IL10RB: variants seen among roughly 807,000 people sequenced by gnomAD.
IL10RB encodes the protein interleukin 10 receptor subunit beta.
In IL10RB, 30 loss-of-function variants were observed where a neutral mutation model predicts 38.7. The observed-to-expected ratio is 0.78, with a 90% CI of 0.58 to 1.05. The LOEUF (loss-of-function observed/expected upper bound fraction) is 1.05, where lower values mean the gene tolerates loss of function less well. IL10RB is among the 50% of genes least tolerant of loss of function. The pLI is 0.00. For missense variants in IL10RB, 328 were observed against 397.1 expected, an observed-to-expected ratio of 0.83 and a Z score of 1.48; for synonymous variants, 142 against 145.9, an observed-to-expected ratio of 0.97 and a Z score of 0.19.
chr21:33,277,668 C>CTTTTCT (rs1989199194), intron 3 of IL10RB, among the ~76,000 whole-genome samples: 1 of 92,980 alleles, frequency 1.1e-5, no homozygotes, highest in Non-Finnish European at 2.1e-5. Context: ...TTCTTTCTTT[C>CTTTTCT]TTTTTTTTTT....
At chr21:33,294,869 G>C (rs1313219146) in intron 6 of IL10RB, among the ~76,000 whole-genome samples, 1 of 152,230 alleles carries the variant, frequency 6.6e-6, no homozygotes, top group Non-Finnish European at 1.5e-5. Context: ...TTCAGGAAAT[G>C]TATAGGGGCA....
In IL10RB at chr21:33,294,011, G is replaced by A. The variant is rs113544410; in HGVS notation, c.805-2173G>A. 250 of 471,164 alleles carry A rather than the reference G, an allele frequency of 5.3e-4. 3 individuals carry two copies. Among genetic ancestry groups the A allele is most frequent in the African/African-American group, 4.1e-3 (207 of 50,196 alleles). 29.2% of individuals were successfully genotyped at this position (471,164 alleles called of 1,614,324 possible). A position where few individuals can be genotyped will look rare whatever the true frequency, so the allele number is the denominator to read the frequency against. Reference sequence around the variant, plus strand: ...ATTTTTGCTTCTGGCTTCACCATCAGAGAAACTGGTCAGACAGGAAAGAAC... The same window carrying A: ...ATTTTTGCTTCTGGCTTCACCATCAAAGAAACTGGTCAGACAGGAAAGAAC... On this transcript the variant is annotated intron_variant, in intron 6 of 6. Coordinates refer to ENST00000290200, the MANE Select transcript of IL10RB (RefSeq NM_000628.5).
At chr21:33,274,066 T>C (rs1039120395) in intron 2 of IL10RB, among the ~76,000 whole-genome samples, 2 of 152,246 alleles carry the variant, frequency 1.3e-5, no homozygotes, top group African/African-American at 4.8e-5. Flanking sequence ...CTTAATGGCA[T>C]TTTGAATGGT....
At chr21:33,270,737 C>T (rs573135617) in intron 2 of IL10RB, among the ~76,000 whole-genome samples, 60 of 148,956 alleles carry the variant, frequency 4.0e-4, no homozygotes, top group African/African-American at 1.4e-3. Context: ...TGCAGTGGTA[C>T]GACCTCTGCT....
At chr21:33,281,330 C>G (rs983238447) in intron 4 of IL10RB, among the ~76,000 whole-genome samples, 4 of 152,232 alleles carry the variant, frequency 2.6e-5, no homozygotes, top group African/African-American at 9.7e-5. Context: ...GAGCTAGCAA[C>G]AGACCTCAAT....
chr21:33,305,511 C>T (rs2082996932), intron 1 of IL10RB, among the ~76,000 whole-genome samples: 1 of 152,140 alleles, frequency 6.6e-6, no homozygotes, highest in South Asian at 2.1e-4. Flanking sequence ...AACGGGAAAC[C>T]CATGACACAC....
intron 1 of IL10RB, among the ~76,000 whole-genome samples, chr21:33,267,426 T>C (rs1165342068): frequency 6.6e-6 from 1 of 151,988 alleles, no homozygotes; most frequent in East Asian, 1.9e-4. Flanking sequence ...ATTATAGTCT[T>C]CTACTTTTCT....
chr21:33,293,849 G>A (rs1989537074), intron 6 of IL10RB, among the ~76,000 whole-genome samples: 1 of 151,018 alleles, frequency 6.6e-6, no homozygotes, highest in Non-Finnish European at 1.5e-5. Context: ...GCACCAGCAT[G>A]AACTAAGAAT....
At chr21:33,281,201 T>C (rs1373318269) in intron 4 of IL10RB, among the ~76,000 whole-genome samples, 2 of 152,222 alleles carry the variant, frequency 1.3e-5, no homozygotes, top group Non-Finnish European at 2.9e-5. Flanking sequence ...CTCTGAGTCC[T>C]ATCATAGTGA....
rs142844818 is a variant in IL10RB at position 33,307,990 on chromosome 21, G to C, written c.130-986G>C. 2.0e-3 allele frequency among the ~76,000 whole-genome samples: 301 copies of C among 152,310 alleles called. 1 individual carries two copies. Among genetic ancestry groups the C allele is most frequent in the African/African-American group, 6.8e-3 (283 of 41,566 alleles). Reference sequence around the variant, plus strand: ...CTATTTGTTGAATGCATGGATGTATGAGTGAATGAATGAATGCTCAGGATC... The same window carrying C: ...CTATTTGTTGAATGCATGGATGTATCAGTGAATGAATGAATGCTCAGGATC... On this transcript the variant is annotated intron_variant, in intron 1 of 1. Coordinates refer to the IL10RB transcript ENST00000609556.
In IL10RB at chr21:33,276,681, T is replaced by C. The variant is rs201664974; in HGVS notation, c.259T>C (p.Leu87=). 30 of 1,613,696 alleles carry C rather than the reference T, an allele frequency of 1.9e-5. No homozygotes were observed. In the Admixed American group the frequency reaches 4.8e-4, roughly 26 times the overall value. ...TCTTTCCAAGTATGGTGACCACACC[T>C]TGAGAGTCAGGGCTGAATTTGCAGA... ...SSLSKYGDHT[L]RVRAEFADEH... Residue 87 remains leucine (L), a synonymous_variant, in exon 3 of 7, where the codon TTG becomes CTG. Transcript: ENST00000290200.
At position 33,285,532 on chromosome 21, in the gene IL10RB, G is replaced by A. The variant is rs1233913640; in HGVS notation, c.646+2291G>A. On this transcript the variant is annotated intron_variant, in intron 5 of 6. Coordinates refer to ENST00000290200, the MANE Select transcript of IL10RB (RefSeq NM_000628.5). Reference sequence around the variant, plus strand: ...AGCAGGGTCCTCTCTCCTGCCCCCTGTGGAACTCTCCATCTGGGGTGAGTA... The same window carrying A: ...AGCAGGGTCCTCTCTCCTGCCCCCTATGGAACTCTCCATCTGGGGTGAGTA... Among the ~76,000 whole-genome samples the A allele has an allele frequency of 2.0e-5, 3 of 152,146 alleles. No individual in the cohort carries two copies. In the South Asian group the frequency reaches 6.2e-4, roughly 31 times the overall value.
downstream of IL10RB, among the ~76,000 whole-genome samples, chr21:33,298,423 G>A (rs1434088532): frequency 6.6e-6 from 1 of 152,110 alleles, no homozygotes; most frequent in African/African-American, 2.4e-5. Context: ...AGACCAGCCT[G>A]GACAACATGG....
chr21:33,296,390 A>C lies in IL10RB; in HGVS notation c.*33A>C, dbSNP rs1367054135. ...GAAGGAAACACACTCGGCTGGGCAC[A>C]GTGACGTACTCCATCTCACATCTGC... On this transcript the variant is annotated 3_prime_UTR_variant, in exon 7 of 7. Transcript: ENST00000290200. 1 of 1,603,144 alleles carries C rather than the reference A, an allele frequency of 6.2e-7. No individual in the cohort carries two copies. The highest frequency in any genetic ancestry group is 2.2e-5 in the East Asian group (1 of 44,840).
intron 6 of IL10RB, among the ~76,000 whole-genome samples, chr21:33,290,934 C>T (rs1200099612): frequency 3.3e-5 from 5 of 152,206 alleles, no homozygotes; most frequent in South Asian, 2.1e-4. Flanking sequence ...CGAGGCCAGA[C>T]GTCCAAAATC....
intron 3 of IL10RB, among the ~76,000 whole-genome samples, chr21:33,277,898 C>T (rs1236660072): frequency 6.6e-6 from 1 of 150,564 alleles, no homozygotes; most frequent in Non-Finnish European, 1.5e-5. Context: ...GTCTTGAACT[C>T]CTGACCTTAA....
downstream of IL10RB, among the ~76,000 whole-genome samples, chr21:33,298,161 A>G (rs895378023): frequency 2.0e-5 from 3 of 152,220 alleles, no homozygotes; most frequent in Admixed American, 1.3e-4. Context: ...ATGGATTTAA[A>G]TGTTAATCTC....
At chr21:33,268,302 C>T (rs1601826391) in intron 1 of IL10RB, 92 bp from the exon 2 acceptor site, 1 of 1,594,680 alleles carries the variant, frequency 6.3e-7, no homozygotes. Flanking sequence ...GACATGGAGC[C>T]ATAGAGGAGA....
chr21:33,277,664 CTTTCTTTTT>C (rs1568905611), intron 3 of IL10RB, among the ~76,000 whole-genome samples: 182 of 129,124 alleles, frequency 1.4e-3, no homozygotes, highest in African/African-American at 5.2e-3. Flanking sequence ...TTCTTTCTTT[CTTTCTTTTT>C]TTTTTTTTTT....
Sources: gnomAD v4.1 joint callset for allele counts (sites outside exome capture counted in the v4.1 genomes callset) on GRCh38, gnomAD v4.1.1 for gene constraint, MANE v1.5 for transcripts, NCBI Gene and HGNC (gene_info 2026-07-23, HGNC 2026-07-21) for gene names.